Variants in SUGCT observed in about 807,000 individuals in gnomAD.
SUGCT encodes succinyl-CoA:glutarate CoA-transferase.
A neutral mutation model predicts 55.0 loss-of-function variants in SUGCT; 41 were observed. The ratio of observed to expected loss-of-function variants is 0.74; its 90% CI spans 0.58 to 0.97. The LOEUF is 0.97. SUGCT is among the 50% of genes least tolerant of loss of function. SUGCT has a pLI of 0.00. For missense variants in SUGCT, 568 were observed against 547.8 expected (o/e 1.04, Z -0.37); for synonymous variants, 187 against 200.4 (o/e 0.93, Z 0.56).
intron 12 of SUGCT, among the ~76,000 whole-genome samples, chr7:40,707,699 C>T (rs1245560201): frequency 6.6e-6 from 1 of 152,192 alleles, no homozygotes; most frequent in Admixed American, 6.5e-5. Context: ...ACCACAGGCA[C>T]ATATACCACA....
intron 12 of SUGCT, among the ~76,000 whole-genome samples, chr7:40,630,248 T>G (rs758718451): frequency 2.4e-4 from 36 of 152,212 alleles, no homozygotes; most frequent in Non-Finnish European, 4.3e-4. Flanking sequence ...CCCAAAGTCT[T>G]GTAATACCAG....
chr7:40,375,383 T>C (rs569417445), intron 9 of SUGCT, among the ~76,000 whole-genome samples: 118 of 152,332 alleles, frequency 7.7e-4, no homozygotes, highest in Admixed American at 1.7e-3. Context: ...GTGGGAAGAC[T>C]TGTCTGAGTC....
At chr7:40,847,766 C>G (rs1040040891) in intron 13 of SUGCT, among the ~76,000 whole-genome samples, 1 of 151,924 alleles carries the variant, frequency 6.6e-6, no homozygotes, top group Admixed American at 6.6e-5. Context: ...TACCCAACCC[C>G]GAAGGGACAA....
At chr7:40,522,306 C>G (rs2151576957) in intron 12 of SUGCT, among the ~76,000 whole-genome samples, 1 of 152,226 alleles carries the variant, frequency 6.6e-6, no homozygotes, top group Non-Finnish European at 1.5e-5. Flanking sequence ...GCAACCCGTC[C>G]TCCTTAGAGA....
At chr7:40,180,787 T>C (rs533461366) in intron 1 of SUGCT, among the ~76,000 whole-genome samples, 160 bp from the exon 2 acceptor site, 5 of 152,232 alleles carry the variant, frequency 3.3e-5, no homozygotes, top group Admixed American at 2.6e-4. Flanking sequence ...TGTGCCTGGC[T>C]GAGCTTCCAG....
intron 12 of SUGCT, among the ~76,000 whole-genome samples, chr7:40,726,718 G>A (rs1023036616): frequency 5.9e-5 from 9 of 152,182 alleles, no homozygotes; most frequent in African/African-American, 2.2e-4. Flanking sequence ...TCTGTTTTGG[G>A]AGGGCACCGA....
the SUGCT span, among the ~76,000 whole-genome samples, chr7:40,871,270 G>A: frequency 6.6e-6 from 1 of 152,162 alleles, no homozygotes; most frequent in African/African-American, 2.4e-5. Flanking sequence ...TCTTTAAGAG[G>A]TATGGCATCT....
At chr7:40,752,810 C>A (rs1299827232) in intron 13 of SUGCT, among the ~76,000 whole-genome samples, 9 of 152,168 alleles carry the variant, frequency 5.9e-5, no homozygotes, top group Admixed American at 5.9e-4. Context: ...GTTCTCAGAT[C>A]CACAGCAATT....
chr7:40,189,018 A>G (rs1230569828), intron 4 of SUGCT, among the ~76,000 whole-genome samples: 4 of 152,190 alleles, frequency 2.6e-5, no homozygotes, highest in Non-Finnish European at 5.9e-5. Flanking sequence ...AGGATGATCT[A>G]TGATATGAAT....
At chr7:40,925,173 A>ACTT in the SUGCT span, among the ~76,000 whole-genome samples, 739 of 152,308 alleles carry the variant, frequency 4.9e-3, 5 homozygotes, top group African/African-American at 0.017. Context: ...AATAAAATTT[A>ACTT]CTTTTCTTAA....
intron 8 of SUGCT, among the ~76,000 whole-genome samples, chr7:40,292,108 T>A (rs557637543): frequency 5.3e-4 from 80 of 152,300 alleles, no homozygotes; most frequent in Non-Finnish European, 8.8e-4. Flanking sequence ...CAGGTGGAGG[T>A]GGCTACAGAC....
chr7:40,551,902 T>G (rs1284626968), intron 12 of SUGCT, among the ~76,000 whole-genome samples: 1 of 152,220 alleles, frequency 6.6e-6, no homozygotes, highest in African/African-American at 2.4e-5. Flanking sequence ...AGCATTGTAC[T>G]TGACTTGCAA....
chr7:40,498,778 G>T (rs1489711056), intron 12 of SUGCT, among the ~76,000 whole-genome samples: 2 of 152,144 alleles, frequency 1.3e-5, no homozygotes, highest in East Asian at 1.9e-4. Context: ...GCCCTTTAAG[G>T]TTATATTCTT....
chr7:41,035,853 C>T, the SUGCT span, among the ~76,000 whole-genome samples: 2 of 152,172 alleles, frequency 1.3e-5, no homozygotes, highest in Non-Finnish European at 1.5e-5. Flanking sequence ...TCACAGGAAC[C>T]CCCAGCCTTG....
chr7:40,440,135 G>C (rs1219233496), intron 9 of SUGCT, among the ~76,000 whole-genome samples: 7 of 107,976 alleles, frequency 6.5e-5, no homozygotes, highest in Admixed American at 1.1e-4. Flanking sequence ...TTTTTTGTCT[G>C]TGTGTGTGTG....
chr7:40,536,435 A>G (rs1417037964), intron 12 of SUGCT, among the ~76,000 whole-genome samples: 1 of 152,168 alleles, frequency 6.6e-6, no homozygotes, highest in Non-Finnish European at 1.5e-5. Flanking sequence ...TTATTTTGTC[A>G]ATTAAGTAGG....
the SUGCT span, among the ~76,000 whole-genome samples, chr7:40,904,520 G>A: frequency 5.3e-5 from 8 of 152,304 alleles, no homozygotes; most frequent in South Asian, 2.1e-4. Context: ...TAGAATGGCC[G>A]TTTCCAGGGG....
chr7:41,037,699 C>T, the SUGCT span, among the ~76,000 whole-genome samples: 25 of 150,670 alleles, frequency 1.7e-4, no homozygotes, highest in South Asian at 3.8e-3. Context: ...ACATGCAGAC[C>T]GTGGAAATGC....
chr7:40,980,328 G>T, the SUGCT span, among the ~76,000 whole-genome samples: 1 of 151,954 alleles, frequency 6.6e-6, no homozygotes, highest in African/African-American at 2.4e-5. Context: ...ATATTGGGGG[G>T]GACACAAATA....
Sources: allele counts gnomAD v4.1 joint callset (sites outside exome capture counted in the v4.1 genomes callset), GRCh38; gene constraint gnomAD v4.1.1; transcripts MANE v1.5; gene names NCBI Gene and HGNC (gene_info 2026-07-23, HGNC 2026-07-21).